CCDC3: variants seen among roughly 807,000 people sequenced by gnomAD.
CCDC3 encodes coiled-coil domain-containing protein 3.
CCDC3 carries 24 observed loss-of-function variants against 21.4 expected under a neutral mutation model. That is an observed-to-expected ratio of 1.12 (90% confidence interval 0.81 to 1.58). The LOEUF is 1.58. CCDC3 is among the 40% of genes most tolerant of loss of function. The pLI, the probability that CCDC3 is intolerant of heterozygous loss-of-function variation, is 0.00. For synonymous variants in CCDC3, 186 were observed against 166.0 expected, an observed-to-expected ratio of 1.12 and a Z score of -0.93; for missense variants, 425 against 360.9, an observed-to-expected ratio of 1.18 and a Z score of -1.44.
rs988864781 is a variant in CCDC3, at chr10:13,079,779, C to G, written c.-502-5679G>C. Among the ~76,000 whole-genome samples the G allele has an allele frequency of 3.3e-5, 5 of 152,088 alleles. 1 individual carries two copies. Among genetic ancestry groups the G allele is most frequent in the African/African-American group, 1.2e-4 (5 of 41,392 alleles). On this transcript the variant is annotated intron_variant, in intron 3 of 6. Coordinates refer to the CCDC3 transcript ENST00000378839. ...CTAAGCTCCATTCCCACTGCCACTC[C>G]CTAGGGAAAGGGGGAGGAGAAGAGA...
In CCDC3 at chr10:12,898,368, C is replaced by T; in HGVS notation, c.*48G>A. On this transcript the variant is annotated 3_prime_UTR_variant, in exon 3 of 3. Coordinates refer to ENST00000378825, the MANE Select transcript of CCDC3 (RefSeq NM_031455.4). The stretch of plus-strand genomic sequence containing the variant: ...GCATGTACGAAACCTCACTCATTCT[C>T]AATTACCGTCAGGATTGGCCCTGCA... 1 of 1,524,248 alleles carries T rather than the reference C, an allele frequency of 6.6e-7. No homozygotes were observed. Among genetic ancestry groups the T allele is most frequent in the South Asian group, 1.3e-5 (1 of 78,396 alleles). 94.4% of individuals were successfully genotyped at this position (1,524,248 alleles called of 1,614,324 possible).
intron 2 of CCDC3, among the ~76,000 whole-genome samples, chr10:12,914,733 C>A (rs779360210): frequency 1.6e-4 from 25 of 152,200 alleles, no homozygotes; most frequent in Admixed American, 3.3e-4. Context: ...TGTGCGTGAG[C>A]CACCATGCCT....
At chr10:12,908,388 A>G (rs1834210760) in intron 2 of CCDC3, among the ~76,000 whole-genome samples, 1 of 152,108 alleles carries the variant, frequency 6.6e-6, no homozygotes, top group Non-Finnish European at 1.5e-5. Context: ...ACATGCAGCA[A>G]GAATAGACTA....
upstream of CCDC3, among the ~76,000 whole-genome samples, chr10:13,006,465 A>G (rs2099718): frequency 4.4e-4 from 67 of 152,356 alleles, 1 homozygote; most frequent in African/African-American, 9.4e-4. Flanking sequence ...TGATGAGTTC[A>G]GTGGAGATGT....
chr10:13,047,167 C>G (rs145639207), intron 5 of CCDC3, among the ~76,000 whole-genome samples: 2 of 150,870 alleles, frequency 1.3e-5, no homozygotes, highest in Non-Finnish European at 3.0e-5. Flanking sequence ...TAGGAAAGAA[C>G]GCATGGAAAT....
chr10:12,973,711 CT>C (rs931299583), intron 2 of CCDC3, among the ~76,000 whole-genome samples: 1 of 152,022 alleles, frequency 6.6e-6, no homozygotes, highest in African/African-American at 2.4e-5. Flanking sequence ...TCCCCACGGC[CT>C]TACTTGGGCT....
At chr10:13,056,195 C>T (rs185128623) in intron 4 of CCDC3, among the ~76,000 whole-genome samples, 1 of 152,270 alleles carries the variant, frequency 6.6e-6, no homozygotes, top group African/African-American at 2.4e-5. Context: ...CATTCAGGGA[C>T]CCAAGGTGGT....
At chr10:13,079,196 A>T (rs926328941) in intron 3 of CCDC3, among the ~76,000 whole-genome samples, 3 of 152,346 alleles carry the variant, frequency 2.0e-5, no homozygotes, top group South Asian at 2.1e-4. Context: ...CATTTTACAT[A>T]TAACAAAATG....
intron 2 of CCDC3, among the ~76,000 whole-genome samples, chr10:12,900,833 C>T (rs1834081860): frequency 6.6e-6 from 1 of 152,098 alleles, no homozygotes; most frequent in Non-Finnish European, 1.5e-5. Context: ...TGACCTGAGA[C>T]CTTGGGCAAG....
At chr10:12,985,699 C>T (rs1195087776) in intron 2 of CCDC3, among the ~76,000 whole-genome samples, 4 of 152,048 alleles carry the variant, frequency 2.6e-5, no homozygotes, top group Non-Finnish European at 4.4e-5. Flanking sequence ...TACATAACAC[C>T]TGAAATAACA....
At chr10:12,923,644 G>A (rs541011333) in intron 2 of CCDC3, among the ~76,000 whole-genome samples, 3 of 152,226 alleles carry the variant, frequency 2.0e-5, no homozygotes, top group South Asian at 2.1e-4. Context: ...TTTCCTTTGG[G>A]ATATGCGTCC....
intron 2 of CCDC3, among the ~76,000 whole-genome samples, chr10:12,958,339 A>T (rs1296254581): frequency 6.6e-6 from 1 of 152,154 alleles, no homozygotes; most frequent in Non-Finnish European, 1.5e-5. Flanking sequence ...GAGGCGACAG[A>T]CCTAAGAGCC....
intron 3 of CCDC3, among the ~76,000 whole-genome samples, chr10:13,079,325 C>T (rs931453611): frequency 6.6e-6 from 1 of 152,094 alleles, no homozygotes; most frequent in African/African-American, 2.4e-5. Context: ...GATGAATAAA[C>T]CCGGACTCTC....
chr10:12,958,128 A>G lies in CCDC3; in HGVS notation c.549+40210T>C, dbSNP rs573057508. On this transcript the variant is annotated intron_variant, in intron 2 of 2. Transcript: ENST00000378825. ...AGGCTTGAGCCCCTATTCCTGGCCT[A>G]AACCTCTTTTATTTATAAATTACCC... Among the ~76,000 whole-genome samples, 66 of 152,296 alleles carry G rather than the reference A, an allele frequency of 4.3e-4. No individual in the cohort carries two copies. The Middle Eastern group carries it at 0.017, about 39-fold the overall frequency.
intron 2 of CCDC3, among the ~76,000 whole-genome samples, chr10:12,970,955 T>C (rs1032150626): frequency 3.3e-5 from 5 of 152,192 alleles, no homozygotes; most frequent in African/African-American, 9.7e-5. Flanking sequence ...TTCGCAAAGT[T>C]TGGCCTATCA....
At chr10:13,048,164 T>C (rs1032687270) in intron 5 of CCDC3, among the ~76,000 whole-genome samples, 1 of 152,034 alleles carries the variant, frequency 6.6e-6, no homozygotes, top group Non-Finnish European at 1.5e-5. Context: ...TTAAGCTTAA[T>C]TTTTTTTCTT....
At chr10:12,943,923 C>T (rs867462033) in intron 2 of CCDC3, among the ~76,000 whole-genome samples, 7 of 151,998 alleles carry the variant, frequency 4.6e-5, no homozygotes, top group Non-Finnish European at 1.0e-4. Context: ...GGGTATTTAC[C>T]CCAGACAACG....
intron 2 of CCDC3, among the ~76,000 whole-genome samples, chr10:12,946,433 AT>A (rs57646156): frequency 5.9e-5 from 9 of 151,430 alleles, no homozygotes; most frequent in African/African-American, 1.9e-4. Context: ...ACTTAGGAGT[AT>A]TTTTTTTTGG....
At chr10:13,098,221 C>G (rs1399229065) in intron 3 of CCDC3, among the ~76,000 whole-genome samples, 6 of 152,280 alleles carry the variant, frequency 3.9e-5, no homozygotes, top group Middle Eastern at 3.4e-3. Context: ...GCCTCCCACA[C>G]CAAAGCCATG....
Sources: allele counts gnomAD v4.1 joint callset (sites outside exome capture counted in the v4.1 genomes callset), GRCh38; gene constraint gnomAD v4.1.1; transcripts MANE v1.5; gene names NCBI Gene and HGNC (gene_info 2026-07-23, HGNC 2026-07-21).